Variants in PLEKHA5 observed in about 807,000 individuals in gnomAD.
PLEKHA5 encodes the protein pleckstrin homology domain containing A5.
Under a neutral mutation model 181.9 loss-of-function variants are expected in PLEKHA5, and 55 were observed. The observed-to-expected ratio is 0.30, with a 90% CI of 0.24 to 0.38. The LOEUF (loss-of-function observed/expected upper bound fraction) is 0.38, where lower values mean the gene tolerates loss of function less well. Ranked by LOEUF, PLEKHA5 falls within the 10% of genes least tolerant of loss-of-function variation. The pLI, the probability that PLEKHA5 is intolerant of heterozygous loss-of-function variation, is 1.00. For missense variants in PLEKHA5, 1,432 were observed against 1,549.5 expected (o/e 0.92, Z 1.27); for synonymous variants, 535 against 529.4 (o/e 1.01, Z -0.15).
intron 3 of PLEKHA5, among the ~76,000 whole-genome samples, chr12:19,195,420 G>A (rs1307543118): frequency 6.6e-6 from 1 of 151,832 alleles, no homozygotes; most frequent in African/African-American, 2.4e-5. Context: ...TGTAATCCTA[G>A]CACTTTGGAA....
In PLEKHA5 at chr12:19,274,684, T is replaced by C. The variant is rs776023150; in HGVS notation, c.1014T>C (p.Asp338=). 36 of 1,613,970 alleles carry C rather than the reference T, an allele frequency of 2.2e-5. No individual in the cohort carries two copies. The highest frequency in any genetic ancestry group is 5.0e-5 in the Admixed American group (3 of 60,000). The change falls in exon 11 of 32, where the codon GAT becomes GAC. Residue 338 remains aspartate (D), a synonymous_variant. Transcript: ENST00000429027. ...CTGAAAAATATGGATTTCAGAAGGA[T>C]GGTCAAGATAGACCCTTAACAAAAA... ...LEAEKYGFQK[D]GQDRPLTKIN...
At chr12:19,364,001 C>G (rs2095343821) in intron 29 of PLEKHA5, among the ~76,000 whole-genome samples, 1 of 152,138 alleles carries the variant, frequency 6.6e-6, no homozygotes, top group African/African-American at 2.4e-5. Flanking sequence ...GATTAAAACA[C>G]AGTATATTAA....
intron 3 of PLEKHA5, among the ~76,000 whole-genome samples, chr12:19,165,623 A>G (rs2044171213): frequency 6.6e-6 from 1 of 152,160 alleles, no homozygotes; most frequent in Non-Finnish European, 1.5e-5. Flanking sequence ...GAAGTACAGA[A>G]GAGTTAAACT....
intron 20 of PLEKHA5, among the ~76,000 whole-genome samples, chr12:19,328,144 G>C (rs891437412): frequency 6.6e-6 from 1 of 152,102 alleles, no homozygotes; most frequent in Non-Finnish European, 1.5e-5. Context: ...ATGGCCATAG[G>C]TGTATGGCTT....
At chr12:19,214,718 T>A (rs188023452) in intron 3 of PLEKHA5, among the ~76,000 whole-genome samples, 309 of 152,226 alleles carry the variant, frequency 2.0e-3, no homozygotes, top group Non-Finnish European at 1.8e-3. Flanking sequence ...ACAAAAATTT[T>A]AGAATAGCTG....
At chr12:19,256,916 A>G (rs1378149387) in intron 5 of PLEKHA5, among the ~76,000 whole-genome samples, 2 of 152,216 alleles carry the variant, frequency 1.3e-5, no homozygotes, top group South Asian at 2.1e-4. Flanking sequence ...AGAAAACACT[A>G]CATCACATTA....
chr12:19,269,648 T>A (rs962386213), intron 8 of PLEKHA5, 122 bp from the exon 9 acceptor site: 4 of 535,404 alleles, frequency 7.5e-6, no homozygotes, highest in Admixed American at 3.4e-5. Context: ...AGGTAAAAGA[T>A]AAGTCTACTT....
At chr12:19,338,882 CAA>C (rs955263125) in intron 21 of PLEKHA5, among the ~76,000 whole-genome samples, 1 of 108,938 alleles carries the variant, frequency 9.2e-6, no homozygotes. Context: ...AAGTCCATCT[CAA>C]AAAAAAAAAA....
intron 11 of PLEKHA5, among the ~76,000 whole-genome samples, chr12:19,279,453 C>T (rs540260705): frequency 8.6e-5 from 13 of 151,866 alleles, no homozygotes; most frequent in Admixed American, 5.9e-4. Flanking sequence ...ACCTGAGGTC[C>T]GGAGTTCAAG....
chr12:19,363,913 C>G (rs1040193880), intron 29 of PLEKHA5, among the ~76,000 whole-genome samples: 5 of 152,122 alleles, frequency 3.3e-5, no homozygotes, highest in Admixed American at 1.3e-4. Flanking sequence ...AAATGAATAG[C>G]AAGATTGAAT....
intron 19 of PLEKHA5, 26 bp downstream of exon 19, chr12:19,322,416 C>T (rs2091092030): frequency 1.3e-6 from 2 of 1,575,494 alleles, no homozygotes; most frequent in African/African-American, 2.7e-5. Context: ...TTATTGTCTA[C>T]AATTGATGTT....
At chr12:19,158,107 C>G (rs942488831) in intron 3 of PLEKHA5, among the ~76,000 whole-genome samples, 1 of 152,056 alleles carries the variant, frequency 6.6e-6, no homozygotes, top group African/African-American at 2.4e-5. Context: ...AATGCTAGCA[C>G]TTTGGGAGGC....
chr12:19,235,257 A>G (rs2061240075), intron 3 of PLEKHA5, among the ~76,000 whole-genome samples: 1 of 152,202 alleles, frequency 6.6e-6, no homozygotes, highest in Admixed American at 6.5e-5. Context: ...GCAGTTTCAT[A>G]TGAAAGGAAT....
At chr12:19,176,785 A>G (rs2047366946) in intron 3 of PLEKHA5, among the ~76,000 whole-genome samples, 1 of 152,146 alleles carries the variant, frequency 6.6e-6, no homozygotes, top group Non-Finnish European at 1.5e-5. Flanking sequence ...TATATATCAT[A>G]TGCTACATAA....
intron 3 of PLEKHA5, among the ~76,000 whole-genome samples, chr12:19,223,024 G>GT (rs2059207085): frequency 1.0e-5 from 1 of 98,234 alleles, no homozygotes; most frequent in Non-Finnish European, 2.0e-5. Flanking sequence ...TTTTTTCATT[G>GT]TTGTGTGACA....
chr12:19,186,423 G>A (rs1045929369), intron 3 of PLEKHA5, among the ~76,000 whole-genome samples: 1 of 152,186 alleles, frequency 6.6e-6, no homozygotes, highest in Non-Finnish European at 1.5e-5. Flanking sequence ...AGTAGATGTA[G>A]CTCCTGGCAG....
chr12:19,196,493 G>T (rs2052773773), intron 3 of PLEKHA5, among the ~76,000 whole-genome samples: 1 of 152,120 alleles, frequency 6.6e-6, no homozygotes, highest in Non-Finnish European at 1.5e-5. Flanking sequence ...CTCTTACAAA[G>T]CAAGAAGAAA....
chr12:19,364,093 A>G (rs2153263960), intron 29 of PLEKHA5, among the ~76,000 whole-genome samples: 1 of 152,338 alleles, frequency 6.6e-6, no homozygotes, highest in Middle Eastern at 3.4e-3. Context: ...TCAACTTTTA[A>G]TTCCAAAACT....
In PLEKHA5 at chr12:19,351,303, G is replaced by A. The variant is rs76602304; in HGVS notation, c.3020-2581G>A. On this transcript the variant is annotated intron_variant, in intron 25 of 31. Transcript: ENST00000429027. ...TGTAATCTCAGCACTTTGGGAGGCC[G>A]AAGCAGATGGATTGCTTGAGTCCAG... Among the ~76,000 whole-genome samples the A allele has an allele frequency of 2.0e-4, 31 of 152,238 alleles. 1 individual carries two copies. In the East Asian group the frequency reaches 4.3e-3, roughly 21 times the overall value.
Sources: gnomAD v4.1 joint callset for allele counts (sites outside exome capture counted in the v4.1 genomes callset) on GRCh38, gnomAD v4.1.1 for gene constraint, MANE v1.5 for transcripts, NCBI Gene and HGNC (gene_info 2026-07-23, HGNC 2026-07-21) for gene names.